The following TRDN variants were observed in gnomAD, a reference collection of about 807,000 sequenced individuals.
The protein encoded by TRDN is triadin in skeletal muscle.
A neutral mutation model predicts 149.7 loss-of-function variants in TRDN; 161 were observed. The observed-to-expected ratio is 1.08, with a 90% confidence interval of 0.95 to 1.23. TRDN has a LOEUF of 1.23. Among genes scored for constraint, TRDN ranks in the 50% most tolerant of loss-of-function variants. TRDN has a pLI of 0.00. For missense variants in TRDN, 896 were observed against 823.5 expected (o/e 1.09, Z -1.08); for synonymous variants, 294 against 250.5 (o/e 1.17, Z -1.64).
intron 9 of TRDN, among the ~76,000 whole-genome samples, chr6:123,482,511 G>T (rs1306467954): frequency 6.6e-6 from 1 of 152,130 alleles, no homozygotes; most frequent in African/African-American, 2.4e-5. Context: ...AGTACACACT[G>T]CTTATCCAGT....
intron 10 of TRDN, among the ~76,000 whole-genome samples, chr6:123,459,908 T>C (rs910908573): frequency 2.0e-5 from 3 of 152,206 alleles, no homozygotes; most frequent in African/African-American, 7.2e-5. Flanking sequence ...ATTTCTCCGA[T>C]CTTCTCTTTA....
chr6:123,545,988 A>G (rs2114424174), intron 4 of TRDN, among the ~76,000 whole-genome samples: 1 of 152,258 alleles, frequency 6.6e-6, no homozygotes, highest in East Asian at 1.9e-4. Context: ...ATAAGTATAA[A>G]TGAGCAAACA....
intron 6 of TRDN, 42 bp from the exon 7 acceptor site, chr6:123,512,404 T>C (rs775819751): frequency 1.7e-6 from 2 of 1,203,650 alleles, no homozygotes; most frequent in South Asian, 1.5e-5. Flanking sequence ...TTTTAATAGA[T>C]TTCAAAACCA....
intron 12 of TRDN, among the ~76,000 whole-genome samples, chr6:123,435,802 T>C (rs1289031254): frequency 6.6e-6 from 1 of 152,112 alleles, no homozygotes; most frequent in Non-Finnish European, 1.5e-5. Flanking sequence ...CTGAGCACTG[T>C]CCTTGTAGGA....
intron 24 of TRDN, among the ~76,000 whole-genome samples, chr6:123,310,625 C>T (rs1482480161): frequency 6.6e-6 from 1 of 151,818 alleles, no homozygotes; most frequent in Non-Finnish European, 1.5e-5. Context: ...GAATTTAATA[C>T]CAGAAACGGA....
chr6:123,627,126 C>T (rs1785716775), intron 1 of TRDN, among the ~76,000 whole-genome samples: 1 of 151,944 alleles, frequency 6.6e-6, no homozygotes, highest in Non-Finnish European at 1.5e-5. Context: ...GGCAGGGTTT[C>T]ACCACATTGG....
chr6:123,266,668 TA>T (rs1777006357), intron 32 of TRDN, among the ~76,000 whole-genome samples: 3 of 32 alleles, frequency 0.094, 1 homozygote, highest in Non-Finnish European at 0.11. Flanking sequence ...ATAATATGTA[TA>T]TATTATAATA....
At chr6:123,527,144 G>A (rs760633478) in intron 5 of TRDN, among the ~76,000 whole-genome samples, 7 of 151,878 alleles carry the variant, frequency 4.6e-5, no homozygotes, top group Admixed American at 3.9e-4. Flanking sequence ...GTAGAAAAAG[G>A]TTATGGTAAC....
intron 1 of TRDN, among the ~76,000 whole-genome samples, chr6:123,579,541 G>T (rs1783017598): frequency 6.6e-6 from 1 of 152,128 alleles, no homozygotes; most frequent in Non-Finnish European, 1.5e-5. Context: ...GATTTGGTTT[G>T]CAAGATTTTG....
intron 23 of TRDN, among the ~76,000 whole-genome samples, chr6:123,320,861 T>A (rs1171570769): frequency 1.3e-5 from 2 of 152,066 alleles, no homozygotes; most frequent in Non-Finnish European, 2.9e-5. Context: ...AAATCATGAA[T>A]CGTATTATAT....
chr6:123,462,751 T>C (rs1776526633), intron 10 of TRDN: 1 of 152,024 alleles, frequency 6.6e-6, no homozygotes, highest in Non-Finnish European at 1.5e-5. Flanking sequence ...CAGACTAAAA[T>C]AGTGCATCAA....
chr6:123,338,965 GA>G (rs1779969249), intron 21 of TRDN, among the ~76,000 whole-genome samples: 1 of 152,058 alleles, frequency 6.6e-6, no homozygotes, highest in South Asian at 2.1e-4. Flanking sequence ...CATTGGCCAG[GA>G]AATGCCATTT....
intron 38 of TRDN, among the ~76,000 whole-genome samples, chr6:123,225,963 T>C (rs897659285): frequency 6.6e-6 from 1 of 151,848 alleles, no homozygotes; most frequent in African/African-American, 2.4e-5. Context: ...AACTGTTCAC[T>C]AATAAATGAA....
At chr6:123,547,257 A>G in intron 4 of TRDN, 83 bp downstream of exon 4, 1 of 835,100 alleles carries the variant, frequency 1.2e-6, no homozygotes, top group Non-Finnish European at 1.8e-6. Context: ...ATATTAAAAT[A>G]AGTAAAATAT....
intron 1 of TRDN, among the ~76,000 whole-genome samples, chr6:123,618,662 AGTTT>A (rs764197145): frequency 2.3e-4 from 35 of 152,220 alleles, no homozygotes; most frequent in Non-Finnish European, 4.4e-4. Context: ...TCTTATGCAC[AGTTT>A]GTTTAGGCCT....
intron 23 of TRDN, among the ~76,000 whole-genome samples, chr6:123,328,697 T>A (rs1258037549): frequency 1.3e-5 from 2 of 152,148 alleles, no homozygotes; most frequent in African/African-American, 4.8e-5. Context: ...CTTTCCTGGG[T>A]CTGCACTTTC....
At chr6:123,359,935 T>C (rs565369574) in intron 20 of TRDN, among the ~76,000 whole-genome samples, 1 of 152,256 alleles carries the variant, frequency 6.6e-6, no homozygotes, top group Non-Finnish European at 1.5e-5. Context: ...GACCTCATGA[T>C]CCACCCATCT....
intron 10 of TRDN, among the ~76,000 whole-genome samples, chr6:123,448,628 G>A (rs544118673): frequency 7.9e-5 from 12 of 152,070 alleles, no homozygotes; most frequent in South Asian, 2.1e-4. Flanking sequence ...CCCTGCCCCC[G>A]TTTGATGGTC....
intron 15 of TRDN, 68 bp downstream of exon 15, chr6:123,382,050 C>G (rs1459313128): frequency 9.0e-7 from 1 of 1,110,382 alleles, no homozygotes; most frequent in Admixed American, 4.1e-5. Context: ...TACATCAATC[C>G]TTTAAGAAGG....
Sources: gnomAD v4.1 joint callset for allele counts (sites outside exome capture counted in the v4.1 genomes callset) on GRCh38, gnomAD v4.1.1 for gene constraint, MANE v1.5 for transcripts, NCBI Gene and HGNC (gene_info 2026-07-23, HGNC 2026-07-21) for gene names.